Variants in CGA observed in about 807,000 individuals in gnomAD.
CGA encodes glycoprotein hormones, alpha polypeptide, also known as glycoprotein hormones alpha chain.
Under a neutral mutation model 12.0 loss-of-function variants are expected in CGA, and 4 were observed. That is an observed-to-expected ratio of 0.33 (90% CI 0.16 to 0.76). The LOEUF (loss-of-function observed/expected upper bound fraction) is 0.76. CGA is among the 30% of genes least tolerant of loss of function. CGA has a pLI of 0.60. For synonymous variants in CGA, 60 were observed against 56.6 expected, an observed-to-expected ratio of 1.06 and a Z score of -0.27; for missense variants, 102 against 143.5, an observed-to-expected ratio of 0.71 and a Z score of 1.48.
rs1168693137 is a variant in CGA at position 87,088,150 on chromosome 6, C to T, written c.51G>A (p.Val17=). ...GAGCGGAATGGAGAACATGCAGAAACACCGACAATGTGACCAGAAAGATAG... is the reference window on the plus strand; with the variant it reads ...GAGCGGAATGGAGAACATGCAGAAATACCGACAATGTGACCAGAAAGATAG... ...YAAIFLVTLS[V]FLHVLHSAPD... Residue 17 remains valine, a synonymous_variant, in exon 2 of 4, where the codon GTG becomes GTA. Transcript: ENST00000627148. 1.6e-5 allele frequency: 25 copies of T among 1,593,372 alleles called. No homozygotes were observed. Among genetic ancestry groups the T allele is most frequent in the Non-Finnish European group, 2.1e-5 (25 of 1,169,514 alleles).
intron 1 of CGA, among the ~76,000 whole-genome samples, chr6:87,092,788 A>C (rs1582322901): frequency 8.2e-6 from 1 of 121,242 alleles, no homozygotes; most frequent in African/African-American, 3.2e-5. Flanking sequence ...CACTCTGTGG[A>C]TCAGGCTGGA....
chr6:87,094,171 G>C (rs1210874541), intron 1 of CGA, among the ~76,000 whole-genome samples: 2 of 152,184 alleles, frequency 1.3e-5, no homozygotes, highest in African/African-American at 4.8e-5. Context: ...TATCTACAGA[G>C]ATGAAAGGGA....
chr6:87,086,628 C>G (rs1483670063), intron 2 of CGA, 194 bp from the exon 3 acceptor site: 2 of 554,858 alleles, frequency 3.6e-6, no homozygotes, highest in Admixed American at 3.3e-5. Flanking sequence ...AATACAACAA[C>G]AACAAAAATT....
intron 3 of CGA, 41 bp downstream of exon 3, chr6:87,086,209 T>C (rs768499764): frequency 1.1e-5 from 17 of 1,548,322 alleles, no homozygotes; most frequent in South Asian, 2.4e-5. Context: ...ATTTCTCTGA[T>C]TGGGCTGTTA....
intron 1 of CGA, among the ~76,000 whole-genome samples, chr6:87,090,912 C>T (rs1278946852): frequency 2.6e-5 from 4 of 151,532 alleles, no homozygotes; most frequent in Non-Finnish European, 4.4e-5. Context: ...TCCCAAAGTG[C>T]TGGGATTACA....
intron 1 of CGA, among the ~76,000 whole-genome samples, chr6:87,094,294 AGT>A (rs1208355607): frequency 1.3e-5 from 2 of 152,192 alleles, no homozygotes; most frequent in African/African-American, 4.8e-5. Context: ...TTTATTTTCT[AGT>A]GTCTATTTCC....
At chr6:87,087,154 T>C (rs747883980) in intron 2 of CGA, among the ~76,000 whole-genome samples, 4 of 152,172 alleles carry the variant, frequency 2.6e-5, no homozygotes, top group Non-Finnish European at 5.9e-5. Context: ...TATGGGATAG[T>C]GAATATTATT....
At chr6:87,088,826 G>C (rs1769377853) in intron 1 of CGA, 1 of 152,176 alleles carries the variant, frequency 6.6e-6, no homozygotes, top group African/African-American at 2.4e-5. Flanking sequence ...GCCACTCTGG[G>C]AAATACTTTG....
chr6:87,091,257 A>T (rs1769427762), intron 1 of CGA, among the ~76,000 whole-genome samples: 1 of 139,508 alleles, frequency 7.2e-6, no homozygotes, highest in Admixed American at 7.5e-5. Flanking sequence ...TGAAACAAAA[A>T]TCACTATTGC....
intron 1 of CGA, among the ~76,000 whole-genome samples, chr6:87,090,970 G>A (rs956499068): frequency 6.6e-6 from 1 of 151,658 alleles, no homozygotes; most frequent in Non-Finnish European, 1.5e-5. Flanking sequence ...ATTTTTAAGA[G>A]TGTAAACAGG....
chr6:87,092,969 G>T (rs1420751616), intron 1 of CGA, among the ~76,000 whole-genome samples: 1 of 151,960 alleles, frequency 6.6e-6, no homozygotes, highest in Non-Finnish European at 1.5e-5. Flanking sequence ...TGTAGAGACA[G>T]GGTTTCTCTA....
In CGA at chr6:87,085,636, G is replaced by C; in HGVS notation, c.*120C>G. On this transcript the variant is annotated 3_prime_UTR_variant, in exon 4 of 4. Coordinates refer to ENST00000627148, the MANE Select transcript of CGA (RefSeq NM_000735.4). ...TAAAGCTGCAGTATATCCTTGAAGC[G>C]TGTCAAAGTGGTATGGTAAGGAAAA... 2 of 701,482 alleles carry C rather than the reference G, an allele frequency of 2.9e-6. No individual in the cohort carries two copies. The highest frequency in any genetic ancestry group is 5.2e-6 in the Non-Finnish European group (2 of 387,312). 43.5% of individuals were successfully genotyped at this position (701,482 alleles called of 1,614,324 possible). A position where few individuals can be genotyped will look rare whatever the true frequency, so the allele number is the denominator to read the frequency against.
Position 87,088,195 on chromosome 6 carries a change from A to G in CGA, c.6T>C (p.Asp2=). ...AGATAGCTGCATATTTTCTGTAGTA[A>G]TCCATGGCGCTCCTGCAGACAGACA... M[D]YYRKYAAIFL... Residue 2 remains aspartate, a synonymous_variant, in exon 2 of 4, where the codon GAT becomes GAC. Transcript: ENST00000627148. The G allele has an allele frequency of 6.4e-7, 1 of 1,552,398 alleles. No homozygotes were observed. The highest frequency in any genetic ancestry group is 1.8e-5 in the Admixed American group (1 of 56,006).
At chr6:87,087,134 G>C (rs979764510) in intron 2 of CGA, among the ~76,000 whole-genome samples, 6 of 152,252 alleles carry the variant, frequency 3.9e-5, no homozygotes, top group African/African-American at 1.4e-4. Context: ...AACTGTGAAT[G>C]CTTCCTTATT....
chr6:87,090,511 A>G (rs1353681451), intron 1 of CGA, among the ~76,000 whole-genome samples: 1 of 152,158 alleles, frequency 6.6e-6, no homozygotes, highest in African/African-American at 2.4e-5. Context: ...AATATATGTT[A>G]TATGTGTTAA....
intron 1 of CGA, among the ~76,000 whole-genome samples, chr6:87,092,847 A>G (rs1448589597): frequency 2.7e-5 from 4 of 148,088 alleles, no homozygotes; most frequent in South Asian, 4.3e-4. Flanking sequence ...TCCCAAGCTC[A>G]GGTGATCCTC....
chr6:87,092,015 A>G (rs995511735), intron 1 of CGA, among the ~76,000 whole-genome samples: 2 of 152,128 alleles, frequency 1.3e-5, no homozygotes, highest in African/African-American at 4.8e-5. Flanking sequence ...CGTCTCAAAA[A>G]GAAAGAAAGA....
rs1412501151 is a variant in CGA at position 87,086,366 on chromosome 6, T to A, written c.157A>T (p.Met53Leu). 4 of 1,613,896 alleles carry A rather than the reference T, an allele frequency of 2.5e-6. No homozygotes were observed. The highest frequency in any genetic ancestry group is 1.1e-5 in the South Asian group (1 of 91,048). The change falls in exon 3 of 4, where the codon ATG becomes TTG. Residue 53 changes from methionine to leucine, a missense_variant. Coordinates refer to ENST00000627148, the MANE Select transcript of CGA (RefSeq NM_000735.4). ...TATGCTCTAGAGAAGCAGCAGCCCATGCACTGAAGTATTGGGGCACCCGGC... is the reference window on the plus strand; with the variant it reads ...TATGCTCTAGAGAAGCAGCAGCCCAAGCACTGAAGTATTGGGGCACCCGGC... Reference protein sequence around the residue: ...SQPGAPILQCMGCCFSRAYPT... With the variant: ...SQPGAPILQCLGCCFSRAYPT...
At chr6:87,087,651 G>A (rs1192802098) in intron 2 of CGA, 30 of 152,170 alleles carry the variant, frequency 2.0e-4, no homozygotes, top group Admixed American at 2.0e-3. Flanking sequence ...CAAAGCAGAA[G>A]GAATTATACC....
Sources: allele counts gnomAD v4.1 joint callset (sites outside exome capture counted in the v4.1 genomes callset), GRCh38; gene constraint gnomAD v4.1.1; transcripts MANE v1.5; gene names NCBI Gene and HGNC (gene_info 2026-07-23, HGNC 2026-07-21).